The following USP37 variants were observed in gnomAD, a reference collection of about 807,000 sequenced individuals.
The protein encoded by USP37 is ubiquitin carboxyl-terminal hydrolase 37.
Under a neutral mutation model 124.0 loss-of-function variants are expected in USP37, and 27 were observed. The observed-to-expected ratio is 0.22, with a 90% CI of 0.16 to 0.30. The LOEUF (loss-of-function observed/expected upper bound fraction) is 0.30, where lower values mean the gene tolerates loss of function less well. Among genes scored for constraint, USP37 ranks in the 10% least tolerant of loss-of-function variants. The pLI is 1.00. For missense variants in USP37, 889 were observed against 1,140.4 expected (o/e 0.78, Z 3.17); for synonymous variants, 365 against 388.0 (o/e 0.94, Z 0.70).
intron 24 of USP37, among the ~76,000 whole-genome samples, chr2:218,456,849 A>C (rs1046154066): frequency 6.6e-6 from 1 of 152,072 alleles, no homozygotes; most frequent in African/African-American, 2.4e-5. Context: ...GCATGCCTGT[A>C]ATCCCAGCTA....
chr2:218,509,269 C>G (rs1689849116), intron 11 of USP37, among the ~76,000 whole-genome samples: 1 of 152,208 alleles, frequency 6.6e-6, no homozygotes, highest in Non-Finnish European at 1.5e-5. Flanking sequence ...CCTGGATTTA[C>G]TACTGCTGTA....
At chr2:218,503,459 G>C (rs1039658690) in intron 11 of USP37, among the ~76,000 whole-genome samples, 1 of 152,244 alleles carries the variant, frequency 6.6e-6, no homozygotes, top group African/African-American at 2.4e-5. Flanking sequence ...GCTCACGCCT[G>C]TAATCCCAGC....
intron 21 of USP37, among the ~76,000 whole-genome samples, chr2:218,464,135 G>T (rs542800721): frequency 6.6e-6 from 1 of 152,026 alleles, no homozygotes; most frequent in African/African-American, 2.4e-5. Context: ...GGAATTACAG[G>T]CATGAGCCAC....
chr2:218,487,374 T>G (rs1691633030), intron 15 of USP37, among the ~76,000 whole-genome samples: 1 of 152,228 alleles, frequency 6.6e-6, no homozygotes, highest in Non-Finnish European at 1.5e-5. Context: ...TGTTACCAAA[T>G]TTTAGAATAT....
intron 20 of USP37, among the ~76,000 whole-genome samples, chr2:218,468,238 C>T (rs943864041): frequency 1.3e-5 from 2 of 151,144 alleles, no homozygotes; most frequent in Non-Finnish European, 2.9e-5. Context: ...GAGTTTCGCT[C>T]TTGTTGCCCA....
intron 11 of USP37, among the ~76,000 whole-genome samples, chr2:218,506,519 G>A (rs1689688884): frequency 6.6e-6 from 1 of 150,852 alleles, no homozygotes; most frequent in Non-Finnish European, 1.5e-5. Context: ...TCGAACTCCT[G>A]ACCTCAGGCG....
chr2:218,524,513 A>G (rs645796), intron 10 of USP37, among the ~76,000 whole-genome samples: 92,181 of 152,152 alleles, frequency 0.61, 28,139 homozygotes, highest in East Asian at 0.78. Context: ...CTTTTGTCCA[A>G]TGTTTTATTA....
intron 22 of USP37, among the ~76,000 whole-genome samples, chr2:218,463,042 C>T (rs1014190291): frequency 1.6e-4 from 24 of 151,930 alleles, no homozygotes; most frequent in Admixed American, 4.6e-4. Context: ...GTGGCACAAC[C>T]GCTAATTCCA....
At chr2:218,526,978 C>T (rs1224864259) in intron 10 of USP37, among the ~76,000 whole-genome samples, 6 of 151,550 alleles carry the variant, frequency 4.0e-5, no homozygotes, top group South Asian at 2.1e-4. Context: ...TTAGTAGAGA[C>T]GGGGTTTCAC....
intron 4 of USP37, 87 bp downstream of exon 4, chr2:218,558,411 G>A (rs1693142326): frequency 2.5e-6 from 3 of 1,179,564 alleles, no homozygotes; most frequent in African/African-American, 3.1e-5. Flanking sequence ...TAGGAGGAGG[G>A]CTACTGTGAT....
intron 10 of USP37, among the ~76,000 whole-genome samples, chr2:218,526,449 G>GC (rs1690970962): frequency 6.6e-6 from 1 of 151,932 alleles, no homozygotes; most frequent in Non-Finnish European, 1.5e-5. Context: ...TGCCCAGGCT[G>GC]GTTCGAATGG....
intron 10 of USP37, among the ~76,000 whole-genome samples, chr2:218,526,785 CTTTTTTTTTTTT>C (rs71064454): frequency 3.3e-4 from 25 of 75,922 alleles, no homozygotes; most frequent in Non-Finnish European, 4.3e-4. Flanking sequence ...ATTTCATTTG[CTTTTTTTTTTTT>C]TTTTTTTTTG....
intron 7 of USP37, 138 bp downstream of exon 7, chr2:218,546,779 CAT>C: frequency 1.1e-6 from 1 of 942,424 alleles, no homozygotes. Context: ...ACATAAACTA[CAT>C]ATGACAAATA....
rs1689450806 is a variant in USP37, at chr2:218,450,469, T to TG, written c.*4460dup. ...ATCTCACAAATAATGTGGCCACAGC[T>TG]GCCAGAAAACCTGGTAGTGGCTCAA... is the stretch of plus-strand genomic sequence containing the variant. On this transcript the variant is annotated 3_prime_UTR_variant, in exon 26 of 26. Coordinates refer to ENST00000258399, the MANE Select transcript of USP37 (RefSeq NM_020935.3). 1 of 152,678 alleles carries TG rather than the reference T, an allele frequency of 6.5e-6. No homozygotes were observed. The highest frequency in any genetic ancestry group is 1.5e-5 in the Non-Finnish European group (1 of 68,052). 9.5% of individuals were successfully genotyped at this position (152,678 alleles called of 1,614,324 possible).
intron 10 of USP37, chr2:218,514,361 T>C (rs1690161772): frequency 6.6e-6 from 1 of 152,196 alleles, no homozygotes; most frequent in South Asian, 2.1e-4. Flanking sequence ...CGTACAATCC[T>C]CAATTTCTTC....
chr2:218,463,267 T>G, intron 22 of USP37, 39 bp downstream of exon 22: 1 of 1,563,158 alleles, frequency 6.4e-7, no homozygotes, highest in South Asian at 1.1e-5. Flanking sequence ...GAATGGTAAT[T>G]TTACCATTAA....
intron 1 of USP37, among the ~76,000 whole-genome samples, chr2:218,564,029 C>T (rs192281114): frequency 3.5e-4 from 54 of 152,244 alleles, no homozygotes; most frequent in African/African-American, 1.2e-3. Flanking sequence ...AGAGATCACA[C>T]CACTACACTC....
Position 218,463,393 on chromosome 2 carries a change from G to A in USP37, c.2467-27C>T, listed in dbSNP as rs373653743. 1.7e-4 allele frequency: 276 copies of A among 1,607,454 alleles called. 2 individuals carry two copies. The African/African-American group carries it at 3.2e-3, about 18-fold the overall frequency. ...TAAAGGGAAAAGAACAAAAACTAAG[G>A]TATTTAAAGAGGTACTGATTAAACT... On this transcript the variant is annotated intron_variant, in intron 21 of 25. Transcript: ENST00000258399.
At chr2:218,489,337 G>A (rs1283173152) in intron 14 of USP37, among the ~76,000 whole-genome samples, 24 of 141,756 alleles carry the variant, frequency 1.7e-4, no homozygotes, top group South Asian at 2.4e-4. Flanking sequence ...CAGCCTGGGC[G>A]ACAGAGAGAG....
Sources: allele counts gnomAD v4.1 joint callset (sites outside exome capture counted in the v4.1 genomes callset), GRCh38; gene constraint gnomAD v4.1.1; transcripts MANE v1.5; gene names NCBI Gene and HGNC (gene_info 2026-07-23, HGNC 2026-07-21).